Variants in AKT3 observed in about 807,000 individuals in gnomAD.
AKT3 encodes the protein AKT serine/threonine kinase 3.
A neutral mutation model predicts 65.3 loss-of-function variants in AKT3; 15 were observed. The observed-to-expected ratio is 0.23, with a 90% CI of 0.15 to 0.35. AKT3 has a LOEUF of 0.35. Among genes scored for constraint, AKT3 ranks in the 10% least tolerant of loss-of-function variants. The pLI is 1.00. For synonymous variants in AKT3, 206 were observed against 183.8 expected, an observed-to-expected ratio of 1.12 and a Z score of -0.98; for missense variants, 243 against 576.5, an observed-to-expected ratio of 0.42 and a Z score of 5.92.
chr1:243,772,741 T>C (rs1264935172), intron 2 of AKT3, among the ~76,000 whole-genome samples: 1 of 152,104 alleles, frequency 6.6e-6, no homozygotes, highest in African/African-American at 2.4e-5. Flanking sequence ...TGCACACATA[T>C]GTTTATTGAG....
At chr1:243,588,785 C>A (rs1004211492) in intron 8 of AKT3, among the ~76,000 whole-genome samples, 1 of 151,988 alleles carries the variant, frequency 6.6e-6, no homozygotes, top group Non-Finnish European at 1.5e-5. Flanking sequence ...CTATAAAACT[C>A]CTAGAAGAAA....
chr1:243,533,216 G>T (rs1050837473), intron 12 of AKT3, among the ~76,000 whole-genome samples: 2 of 151,908 alleles, frequency 1.3e-5, no homozygotes, highest in African/African-American at 4.8e-5. Flanking sequence ...CTACCAAAAA[G>T]ATATAACAAT....
chr1:243,697,597 A>G (rs1218543186), intron 2 of AKT3, among the ~76,000 whole-genome samples: 2 of 152,120 alleles, frequency 1.3e-5, no homozygotes, highest in African/African-American at 4.8e-5. Flanking sequence ...CTATAATTTT[A>G]TAACATTATG....
chr1:243,650,031 T>C (rs1027802466), intron 4 of AKT3, among the ~76,000 whole-genome samples: 3 of 152,174 alleles, frequency 2.0e-5, no homozygotes, highest in African/African-American at 4.8e-5. Flanking sequence ...CTCCCACCAA[T>C]AGTGTAATAG....
intron 2 of AKT3, chr1:243,793,203 T>C (rs953410759): frequency 1.3e-5 from 2 of 152,078 alleles, no homozygotes; most frequent in African/African-American, 4.8e-5. Flanking sequence ...TGCAAATAAA[T>C]AAGGCAGAAT....
intron 3 of AKT3, among the ~76,000 whole-genome samples, chr1:243,669,255 T>C (rs111467322): frequency 6.6e-6 from 1 of 152,216 alleles, no homozygotes; most frequent in South Asian, 2.1e-4. Context: ...CCTAGGACAG[T>C]GACAGGACAT....
chr1:243,560,984 A>C (rs1322519768), intron 10 of AKT3, among the ~76,000 whole-genome samples: 3 of 152,124 alleles, frequency 2.0e-5, no homozygotes, highest in Non-Finnish European at 4.4e-5. Flanking sequence ...ATTTATAAAA[A>C]CAATTCTATT....
chr1:243,849,257 G>C (rs1695646957), intron 1 of AKT3, among the ~76,000 whole-genome samples: 1 of 152,168 alleles, frequency 6.6e-6, no homozygotes, highest in South Asian at 2.1e-4. Flanking sequence ...AGCAGCGACA[G>C]CATCACTGGA....
intron 8 of AKT3, among the ~76,000 whole-genome samples, chr1:243,595,607 T>G (rs1429422591): frequency 6.6e-6 from 1 of 151,992 alleles, no homozygotes; most frequent in Non-Finnish European, 1.5e-5. Context: ...ATTTTTCTAT[T>G]TTTTTTAACG....
chr1:243,642,302 C>A (rs1282301132), intron 5 of AKT3, among the ~76,000 whole-genome samples: 3 of 151,914 alleles, frequency 2.0e-5, no homozygotes, highest in Admixed American at 6.6e-5. Context: ...ACAGTAAGTC[C>A]TTTTTTTTGT....
At chr1:243,710,853 T>C (rs1479191962) in intron 2 of AKT3, among the ~76,000 whole-genome samples, 1 of 152,170 alleles carries the variant, frequency 6.6e-6, no homozygotes, top group Admixed American at 6.5e-5. Flanking sequence ...AAATAATGCT[T>C]TAAACCTCCA....
intron 8 of AKT3, among the ~76,000 whole-genome samples, chr1:243,610,805 A>G (rs1239532992): frequency 1.3e-5 from 2 of 152,190 alleles, no homozygotes; most frequent in Non-Finnish European, 2.9e-5. Context: ...TTTTATTTTA[A>G]CACAACAGAA....
chr1:243,535,135 A>G (rs958836684), intron 12 of AKT3, among the ~76,000 whole-genome samples: 6 of 115,120 alleles, frequency 5.2e-5, no homozygotes, highest in Non-Finnish European at 8.1e-5. Context: ...TTAAAATATA[A>G]AATTAAAAAT....
At chr1:243,517,490 G>A (rs1392638556) in intron 12 of AKT3, among the ~76,000 whole-genome samples, 1 of 152,108 alleles carries the variant, frequency 6.6e-6, no homozygotes, top group Non-Finnish European at 1.5e-5. Context: ...TTTGTTATTA[G>A]ATGCATAACT....
intron 2 of AKT3, among the ~76,000 whole-genome samples, chr1:243,786,089 T>C (rs1305505283): frequency 6.6e-6 from 1 of 152,192 alleles, no homozygotes. Context: ...TTCTTCTTCA[T>C]GAGACAAGAA....
At chr1:243,595,557 C>T (rs556485665) in intron 8 of AKT3, among the ~76,000 whole-genome samples, 26 of 152,246 alleles carry the variant, frequency 1.7e-4, no homozygotes, top group Non-Finnish European at 3.2e-4. Flanking sequence ...ACACATTGTA[C>T]AGCTATACAA....
At chr1:243,822,475 A>G (rs1412249293) in intron 2 of AKT3, among the ~76,000 whole-genome samples, 1 of 151,626 alleles carries the variant, frequency 6.6e-6, no homozygotes, top group Non-Finnish European at 1.5e-5. Flanking sequence ...TTCAAAAAAA[A>G]AAAAACTAAT....
intron 3 of AKT3, 138 bp downstream of exon 3, chr1:243,695,453 C>T: frequency 1.4e-6 from 1 of 695,798 alleles, no homozygotes; most frequent in Non-Finnish European, 2.2e-6. Context: ...GACTGAAATT[C>T]TATCAAAGCT....
chr1:243,695,813 G>A, intron 2 of AKT3, 97 bp from the exon 3 acceptor site: 1 of 1,083,094 alleles, frequency 9.2e-7, no homozygotes, highest in Non-Finnish European at 1.2e-6. Context: ...CTACAACACT[G>A]GCCTCCAAAA....
Sources: allele counts gnomAD v4.1 joint callset (sites outside exome capture counted in the v4.1 genomes callset), GRCh38; gene constraint gnomAD v4.1.1; transcripts MANE v1.5; gene names NCBI Gene and HGNC (gene_info 2026-07-23, HGNC 2026-07-21).